The following MYO1F variants were observed in gnomAD, a reference collection of about 807,000 sequenced individuals.
The protein encoded by MYO1F is unconventional myosin-If.
Under a neutral mutation model 146.6 loss-of-function variants are expected in MYO1F, and 60 were observed. The observed-to-expected ratio is 0.41, with a 90% confidence interval of 0.33 to 0.51. The LOEUF (loss-of-function observed/expected upper bound fraction) is 0.51. MYO1F is among the 20% of genes least tolerant of loss of function. The pLI is 0.25. For synonymous variants in MYO1F, 602 were observed against 602.1 expected (o/e 1.00, Z 0.00); for missense variants, 1,274 against 1,534.3 (o/e 0.83, Z 2.83).
intron 25 of MYO1F, among the ~76,000 whole-genome samples, chr19:8,523,843 A>G (rs933894307): frequency 4.6e-5 from 7 of 152,142 alleles, no homozygotes; most frequent in African/African-American, 1.7e-4. Context: ...TTTTTAGGCT[A>G]GGCGCGGTGG....
intron 24 of MYO1F, among the ~76,000 whole-genome samples, chr19:8,526,051 G>C (rs1333361017): frequency 2.6e-5 from 4 of 152,188 alleles, no homozygotes; most frequent in Non-Finnish European, 4.4e-5. Context: ...CTCTCTGGCC[G>C]GGCGCAGTGG....
Position 8,521,555 on chromosome 19 carries a change from G to A in MYO1F, c.3270C>T (p.Phe1090=), listed in dbSNP as rs1972061066. The A allele has an allele frequency of 6.2e-7, 1 of 1,614,070 alleles. No individual in the cohort carries two copies. The highest frequency in any genetic ancestry group is 1.3e-5 in the African/African-American group (1 of 74,938). The change falls in exon 28 of 28, where the codon TTC becomes TTT. Residue 1090 remains phenylalanine, a synonymous_variant. Coordinates refer to ENST00000644032, the MANE Select transcript of MYO1F (RefSeq NM_012335.4). ...KGRLHGQEGL[F]PGNYVEKI ...AGATCTTCTCCACGTAGTTTCCTGG[G>A]AAAAGGCCCTCCTGGCCGTGAAGCC...
chr19:8,544,937 C>T (rs966398438), intron 13 of MYO1F, among the ~76,000 whole-genome samples: 13 of 151,838 alleles, frequency 8.6e-5, no homozygotes, highest in Non-Finnish European at 1.8e-4. Flanking sequence ...CCACCATGCC[C>T]GGCTAATTTT....
intron 25 of MYO1F, among the ~76,000 whole-genome samples, chr19:8,523,267 T>C (rs1251639344): frequency 6.6e-6 from 1 of 152,098 alleles, no homozygotes; most frequent in African/African-American, 2.4e-5. Context: ...TCTCCTGACC[T>C]TGTGATCCGC....
rs753313833 is a variant in MYO1F, at chr19:8,554,586, C to A, written c.232-15G>T. 2.5e-6 allele frequency: 4 copies of A among 1,611,846 alleles called. No individual in the cohort carries two copies. The highest frequency in any genetic ancestry group is 1.3e-5 in the African/African-American group (1 of 74,824). On this transcript the variant is annotated splice_polypyrimidine_tract_variant and intron_variant, in intron 3 of 27. Coordinates refer to ENST00000644032, the MANE Select transcript of MYO1F (RefSeq NM_012335.4). ...TCATACTGGGCCTGGCAGGGGAGGT[C>A]AGGTCTCAGCCCAGGGCTGGGGGCC...
Position 8,544,318 on chromosome 19 carries a change from G to A in MYO1F, c.1503C>T (p.Val501=), listed in dbSNP as rs1187219037. The change falls in exon 14 of 28, where the codon GTC becomes GTT. Residue 501 remains valine (V), a synonymous_variant. Transcript: ENST00000644032. ...EHFNSWSAGF[V]IHHYAGKVSY... ...GCACCTTGCCAGCGTAGTGGTGGAT[G>A]ACGAAGCCGGCGCTCCAGCTGTTGA... 13 of 1,612,974 alleles carry A rather than the reference G, an allele frequency of 8.1e-6. No individual in the cohort carries two copies. The highest frequency in any genetic ancestry group is 1.3e-5 in the African/African-American group (1 of 74,836).
At chr19:8,532,902 AT>A (rs1467117463) in intron 19 of MYO1F, among the ~76,000 whole-genome samples, 6 of 30,346 alleles carry the variant, frequency 2.0e-4, no homozygotes, top group African/African-American at 8.2e-4. Context: ...AAAAAAAAAA[AT>A]ACACACACAC....
chr19:8,553,894 A>ACACACACACACACACTCTCTCTCT, intron 4 of MYO1F, among the ~76,000 whole-genome samples: 65 of 102,650 alleles, frequency 6.3e-4, no homozygotes, highest in Non-Finnish European at 8.9e-4. Flanking sequence ...ACACACACAC[A>ACACACACACACACACTCTCTCTCT]CTCTCTCTCT....
In MYO1F at chr19:8,553,180, C is replaced by T. The variant is rs1312965229; in HGVS notation, c.463G>A (p.Gly155Ser). Residue 155 changes from glycine (G) to serine (S), a missense_variant, in exon 6 of 28, where the codon GGC (glycine) becomes AGC (serine). This residue lies in a region of MYO1F where 900 missense variants were observed against 1,155.1 expected (regional missense o/e 0.78). Coordinates refer to ENST00000644032, the MANE Select transcript of MYO1F (RefSeq NM_012335.4). ...LQSNPLLEAFGNAKTVRNNNS... is the reference protein window; with the variant it reads ...LQSNPLLEAFSNAKTVRNNNS... ...TTGTTGCGCACAGTCTTGGCGTTGC[C>T]GAAGGCCTCGAGCAGCGGGTTGGAC... 2 of 1,614,128 alleles carry T rather than the reference C, an allele frequency of 1.2e-6. No homozygotes were observed. The highest frequency in any genetic ancestry group is 1.7e-5 in the Admixed American group (1 of 59,988).
intron 1 of MYO1F, among the ~76,000 whole-genome samples, chr19:8,569,699 C>T (rs536451712): frequency 3.3e-5 from 5 of 152,056 alleles, no homozygotes; most frequent in Admixed American, 6.6e-5. Flanking sequence ...GTAGAAGGCA[C>T]GTCTTGCAAC....
chr19:8,525,852 C>T (rs1285847002), intron 24 of MYO1F, among the ~76,000 whole-genome samples: 1 of 152,210 alleles, frequency 6.6e-6, no homozygotes, highest in East Asian at 1.9e-4. Context: ...ATTTCTCGCC[C>T]CCGCATTGGT....
intron 1 of MYO1F, among the ~76,000 whole-genome samples, chr19:8,563,444 T>G (rs73501558): frequency 0.1 from 15,229 of 151,640 alleles, 889 homozygotes; most frequent in Non-Finnish European, 0.13. Context: ...ATTATAGGCG[T>G]GCACCACCAC....
At chr19:8,525,282 G>C in intron 25 of MYO1F, 197 bp downstream of exon 25, 2 of 584,704 alleles carry the variant, frequency 3.4e-6, no homozygotes, top group Non-Finnish European at 6.1e-6. Flanking sequence ...GTGGTTAGCT[G>C]GGTTTGGGTT....
intron 7 of MYO1F, 41 bp downstream of exon 7, chr19:8,551,992 C>A (rs371484701): frequency 8.7e-6 from 14 of 1,613,804 alleles, no homozygotes; most frequent in Non-Finnish European, 1.2e-5. Context: ...CCCCGCTGGG[C>A]TCCAGGTGGT....
chr19:8,538,421 G>T (rs1283638746), intron 16 of MYO1F, among the ~76,000 whole-genome samples: 1 of 151,894 alleles, frequency 6.6e-6, no homozygotes, highest in Non-Finnish European at 1.5e-5. Context: ...CTCCTGAGTA[G>T]CTGGGATTAC....
In MYO1F at chr19:8,526,997, C is replaced by G. The variant is rs149786856; in HGVS notation, c.2475-62G>C. ...AGGTGAGGGCGACAGGTGAGAGAGA[C>G]AGATGAAGGTGGCTGAAGGTGGATT... On this transcript the variant is annotated intron_variant, in intron 22 of 27. Coordinates refer to ENST00000644032, the MANE Select transcript of MYO1F (RefSeq NM_012335.4). The G allele has an allele frequency of 9.6e-5, 153 of 1,597,516 alleles. No homozygotes were observed. The East Asian group carries it at 3.4e-3, about 35-fold the overall frequency.
chr19:8,549,200 C>A (rs1973500783), intron 10 of MYO1F, among the ~76,000 whole-genome samples: 1 of 152,090 alleles, frequency 6.6e-6, no homozygotes, highest in African/African-American at 2.4e-5. Context: ...GATCTGCCCG[C>A]TTTGACCTCC....
rs1972450273 is a variant in MYO1F, at chr19:8,530,678, C to G, written c.2044-105G>C. The G allele has an allele frequency of 1.2e-6, 1 of 859,642 alleles. No homozygotes were observed. Among genetic ancestry groups the G allele is most frequent in the Admixed American group, 1.9e-5 (1 of 53,926 alleles). The allele number at this position is 859,642 out of a possible 1,614,324, so 53.3% of individuals were successfully genotyped here. ...CCCTACTCACACGCTTTTGCTCACC[C>G]ATCCCCACACATGTGCTAATTTTTT... On this transcript the variant is annotated intron_variant, in intron 19 of 27. Coordinates refer to ENST00000644032, the MANE Select transcript of MYO1F (RefSeq NM_012335.4). This position sits in a 1 kb window ranked among gnomAD's most constrained non-coding sequence, Gnocchi z 5.8.
intron 24 of MYO1F, among the ~76,000 whole-genome samples, 193 bp downstream of exon 24, chr19:8,526,260 G>C (rs1972261104): frequency 6.6e-6 from 1 of 152,202 alleles, no homozygotes; most frequent in Non-Finnish European, 1.5e-5. Context: ...CCGGGTGGCG[G>C]AGGTTGCGGT....
Sources: gnomAD v4.1 joint callset for allele counts (sites outside exome capture counted in the v4.1 genomes callset) on GRCh38, gnomAD v4.1.1 for gene constraint, gnomAD v4.1.1 regional missense constraint, Gnocchi (gnomAD v3.1) non-coding constraint, MANE v1.5 for transcripts, NCBI Gene and HGNC (gene_info 2026-07-23, HGNC 2026-07-21) for gene names.